DNAJC5B: variants seen among roughly 807,000 people sequenced by gnomAD.
DNAJC5B encodes DnaJ heat shock protein family (Hsp40) member C5 beta, also known as dnaJ homolog subfamily C member 5B.
DNAJC5B carries 23 observed loss-of-function variants against 24.7 expected under a neutral mutation model. That is an observed-to-expected ratio of 0.93 (90% CI 0.67 to 1.32). The LOEUF is 1.32. DNAJC5B is among the 40% of genes most tolerant of loss of function. The pLI is 0.00. For synonymous variants in DNAJC5B, 101 were observed against 90.1 expected (o/e 1.12, Z -0.68); for missense variants, 238 against 240.8 (o/e 0.99, Z 0.08).
At chr8:66,037,722 G>T (rs886665029) in intron 1 of DNAJC5B, among the ~76,000 whole-genome samples, 2 of 152,234 alleles carry the variant, frequency 1.3e-5, no homozygotes, top group African/African-American at 2.4e-5. Flanking sequence ...AGGAGCACTC[G>T]ATCTGCAGGA....
intron 2 of DNAJC5B, among the ~76,000 whole-genome samples, chr8:66,048,360 G>A (rs1789969271): frequency 6.6e-6 from 1 of 152,192 alleles, no homozygotes. Context: ...CATGTTCTCT[G>A]TCGCTACTTT....
At chr8:66,027,694 C>T (rs965240998) in intron 1 of DNAJC5B, among the ~76,000 whole-genome samples, 9 of 152,112 alleles carry the variant, frequency 5.9e-5, no homozygotes, top group East Asian at 1.9e-4. Flanking sequence ...ATTATTATTA[C>T]GAGAGGGAAA....
chr8:66,040,823 T>C (rs994720952), intron 1 of DNAJC5B, among the ~76,000 whole-genome samples: 1 of 152,240 alleles, frequency 6.6e-6, no homozygotes, highest in African/African-American at 2.4e-5. Flanking sequence ...CCTTCGATAA[T>C]TCTATGTTTT....
chr8:66,088,601 T>C (rs1010996217), intron 5 of DNAJC5B, among the ~76,000 whole-genome samples: 3 of 152,182 alleles, frequency 2.0e-5, no homozygotes, highest in African/African-American at 7.2e-5. Flanking sequence ...TGAACACATA[T>C]AACTGAAGGC....
rs541679837 is a variant in DNAJC5B, at chr8:66,064,866, T to A, written c.120-11794T>A. Among the ~76,000 whole-genome samples the A allele has an allele frequency of 7.8e-4, 119 of 152,292 alleles. 1 individual carries two copies. The highest frequency in any genetic ancestry group is 3.4e-3 in the Middle Eastern group (1 of 294). ...TTTATCTACTGTGTTTGCACAAATATCCCAGTTCCTTCTACCTTATTAGAG... is the reference window on the plus strand; with the variant it reads ...TTTATCTACTGTGTTTGCACAAATAACCCAGTTCCTTCTACCTTATTAGAG... On this transcript the variant is annotated intron_variant, in intron 3 of 5. Coordinates refer to ENST00000276570, the MANE Select transcript of DNAJC5B (RefSeq NM_033105.6).
At chr8:66,029,387 G>C (rs866792871) in intron 1 of DNAJC5B, among the ~76,000 whole-genome samples, 11 of 152,186 alleles carry the variant, frequency 7.2e-5, no homozygotes, top group Middle Eastern at 3.2e-3. Flanking sequence ...ATGGCATTGG[G>C]AAGAAGTGGC....
chr8:66,037,003 G>A (rs558300813), intron 1 of DNAJC5B, among the ~76,000 whole-genome samples: 135 of 152,298 alleles, frequency 8.9e-4, no homozygotes, highest in African/African-American at 3.1e-3. Context: ...GAGCTACCTC[G>A]TGCAGGGACC....
chr8:66,080,307 T>G, intron 4 of DNAJC5B, 70 bp from the exon 5 acceptor site: 1 of 1,561,962 alleles, frequency 6.4e-7, no homozygotes, highest in Non-Finnish European at 8.7e-7. Flanking sequence ...GGGTACAGAC[T>G]TGATTTCATG....
chr8:66,078,463 T>C (rs1807520011), intron 4 of DNAJC5B, among the ~76,000 whole-genome samples: 1 of 152,026 alleles, frequency 6.6e-6, no homozygotes, highest in South Asian at 2.1e-4. Context: ...CTAAGCACTG[T>C]AAGGGATAAA....
chr8:66,065,790 G>A lies in DNAJC5B; in HGVS notation c.120-10870G>A, dbSNP rs140391028. ...GCATAAGACTGCCCAGGGGCTTTCA[G>A]TGAAGGGGCACCATCTGGGAGAGGA... is the stretch of plus-strand genomic sequence containing the variant. On this transcript the variant is annotated intron_variant, in intron 3 of 5. Coordinates refer to ENST00000276570, the MANE Select transcript of DNAJC5B (RefSeq NM_033105.6). Among the ~76,000 whole-genome samples the A allele has an allele frequency of 3.4e-3, 512 of 152,306 alleles. 1 individual carries two copies. Among genetic ancestry groups the A allele is most frequent in the African/African-American group, 0.012 (502 of 41,580 alleles).
At chr8:66,035,432 T>C (rs1227903773) in intron 1 of DNAJC5B, among the ~76,000 whole-genome samples, 1 of 152,158 alleles carries the variant, frequency 6.6e-6, no homozygotes, top group East Asian at 1.9e-4. Flanking sequence ...GGTGGGCCCT[T>C]AATCCGATAT....
At chr8:66,067,549 A>G (rs938635038) in intron 3 of DNAJC5B, among the ~76,000 whole-genome samples, 1 of 152,148 alleles carries the variant, frequency 6.6e-6, no homozygotes, top group Non-Finnish European at 1.5e-5. Context: ...AACCCATAGA[A>G]TATGGCAGAA....
Position 66,037,758 on chromosome 8 carries a change from G to A in DNAJC5B, c.-141-5730G>A, listed in dbSNP as rs560663234. On this transcript the variant is annotated intron_variant, in intron 1 of 5. Transcript: ENST00000276570. ...AAGCAGACGGCTTTGCAGACCAGAAGCTCTACTAATGAGTTGATGGCAATT... is the reference window on the plus strand; with the variant it reads ...AAGCAGACGGCTTTGCAGACCAGAAACTCTACTAATGAGTTGATGGCAATT... Among the ~76,000 whole-genome samples the A allele has an allele frequency of 7.9e-5, 12 of 152,362 alleles. 1 individual carries two copies. The South Asian group carries it at 2.1e-3, about 26-fold the overall frequency.
intron 3 of DNAJC5B, among the ~76,000 whole-genome samples, chr8:66,053,920 T>C (rs777259552): frequency 1.3e-3 from 192 of 150,186 alleles, no homozygotes; most frequent in Middle Eastern, 3.5e-3. Flanking sequence ...TGAGCCACCG[T>C]GCCTGGCCTA....
At chr8:66,046,147 C>CG (rs1806718485) in intron 2 of DNAJC5B, among the ~76,000 whole-genome samples, 1 of 152,162 alleles carries the variant, frequency 6.6e-6, no homozygotes, top group South Asian at 2.1e-4. Flanking sequence ...CAGGAATCTT[C>CG]TTTCCTGTGT....
At chr8:66,052,674 C>T (rs1274559174) in intron 3 of DNAJC5B, among the ~76,000 whole-genome samples, 1 of 152,154 alleles carries the variant, frequency 6.6e-6, no homozygotes, top group East Asian at 1.9e-4. Flanking sequence ...GTATGTCAGT[C>T]CTCTAAGAAT....
chr8:66,100,323 C>G lies in DNAJC5B; in HGVS notation c.*292C>G, dbSNP rs1808048356. On this transcript the variant is annotated 3_prime_UTR_variant, in exon 6 of 6. Transcript: ENST00000276570. ...ATTGTACAGCCTTTATGAACCTGCC[C>G]TTTATGTGTGGCAGATCTGATTCCT... is the stretch of plus-strand genomic sequence containing the variant. 4.3e-6 allele frequency: 1 copy of G among 231,262 alleles called. No homozygotes were observed. The allele number at this position is 231,262 out of a possible 1,614,324, so 14.3% of individuals were successfully genotyped here.
At chr8:66,051,151 G>C (rs920219826) in intron 2 of DNAJC5B, among the ~76,000 whole-genome samples, 1 of 152,100 alleles carries the variant, frequency 6.6e-6, no homozygotes, top group Non-Finnish European at 1.5e-5. Flanking sequence ...TCCATTGCTG[G>C]CTAAATTTGG....
rs1180723190 is a variant in DNAJC5B, at chr8:66,076,893, C to T, written c.333+20C>T. On this transcript the variant is annotated intron_variant, in intron 4 of 5. Transcript: ENST00000276570. ...GCAAAGGTGAAACTGAATTTCCTTT[C>T]TTCACAATCTCCTGTAAGACCATGA... The T allele has an allele frequency of 6.2e-7, 1 of 1,612,772 alleles. No individual in the cohort carries two copies. The highest frequency in any genetic ancestry group is 1.7e-5 in the Admixed American group (1 of 59,954).
Sources: gnomAD v4.1 joint callset for allele counts (sites outside exome capture counted in the v4.1 genomes callset) on GRCh38, gnomAD v4.1.1 for gene constraint, MANE v1.5 for transcripts, NCBI Gene and HGNC (gene_info 2026-07-23, HGNC 2026-07-21) for gene names.